Variants in KIZ observed in about 807,000 individuals in gnomAD.
KIZ encodes the protein centrosomal protein kizuna.
Under a neutral mutation model 79.6 loss-of-function variants are expected in KIZ, and 68 were observed. The observed-to-expected ratio is 0.85, with a 90% CI of 0.70 to 1.05. The LOEUF (loss-of-function observed/expected upper bound fraction) is 1.05, where lower values mean the gene tolerates loss of function less well. Among genes scored for constraint, KIZ ranks in the 50% least tolerant of loss-of-function variants. The probability of loss-of-function intolerance (pLI) is 0.00; values close to 1 mark genes in which losing one functional copy is unlikely to be tolerated. For missense variants in KIZ, 797 were observed against 800.4 expected, an observed-to-expected ratio of 1.00 and a Z score of 0.05; for synonymous variants, 280 against 281.8, an observed-to-expected ratio of 0.99 and a Z score of 0.06.
At chr20:21,162,574 A>ATC in intron 5 of KIZ, 67 bp downstream of exon 5, 1 of 1,168,902 alleles carries the variant, frequency 8.6e-7, no homozygotes, top group Non-Finnish European at 1.2e-6. Context: ...TAAGGACAAA[A>ATC]TATACTAATT....
intron 9 of KIZ, among the ~76,000 whole-genome samples, chr20:21,224,888 C>G (rs1340911194): frequency 6.6e-6 from 1 of 152,214 alleles, no homozygotes; most frequent in East Asian, 1.9e-4. Context: ...TTTTCTTTCT[C>G]CTCTCCTTAA....
At chr20:21,158,802 A>AT (rs1445355155) in intron 4 of KIZ, 7 of 150,054 alleles carry the variant, frequency 4.7e-5, no homozygotes, top group Non-Finnish European at 7.4e-5. Context: ...ACTTTTCCTA[A>AT]TTTTTTTTTG....
chr20:21,205,590 T>C lies in KIZ; in HGVS notation c.1446+6T>C. 1 of 1,335,756 alleles carries C rather than the reference T, an allele frequency of 7.5e-7. No homozygotes were observed. The highest frequency in any genetic ancestry group is 1.1e-6 in the Non-Finnish European group (1 of 946,706). 82.7% of individuals were successfully genotyped at this position (1,335,756 alleles called of 1,614,324 possible). ...ATAATTCTGTCAAAGAAGAGGTAGG[T>C]AGCTAAACTGTCTGAAGTTTTCCCA... On this transcript the variant is annotated splice_donor_region_variant and intron_variant, in intron 7 of 12. Coordinates refer to ENST00000619189, the MANE Select transcript of KIZ (RefSeq NM_018474.6).
intron 7 of KIZ, among the ~76,000 whole-genome samples, chr20:21,209,578 T>TGC: frequency 6.6e-6 from 1 of 151,002 alleles, no homozygotes; most frequent in Non-Finnish European, 1.5e-5. Flanking sequence ...TCTTCTCATT[T>TGC]AAAAAAAAAA....
At chr20:21,225,091 C>T (rs2123395595) in intron 9 of KIZ, among the ~76,000 whole-genome samples, 1 of 152,328 alleles carries the variant, frequency 6.6e-6, no homozygotes, top group African/African-American at 2.4e-5. Flanking sequence ...ACATTTATCT[C>T]ATGTCATCAG....
At chr20:21,224,726 G>C (rs2036606727) in intron 9 of KIZ, among the ~76,000 whole-genome samples, 1 of 152,160 alleles carries the variant, frequency 6.6e-6, no homozygotes, top group South Asian at 2.1e-4. Context: ...ACACCCCTTA[G>C]AGACTGGTGA....
chr20:21,200,549 G>A (rs112619038), intron 6 of KIZ, among the ~76,000 whole-genome samples: 37 of 151,696 alleles, frequency 2.4e-4, no homozygotes, highest in African/African-American at 8.0e-4. Flanking sequence ...ATCATCAGGC[G>A]TTAGATTCTC....
rs2036883561 is a variant in KIZ at position 21,232,924 on chromosome 20, A to G, written c.1880+94A>G. ...CTCTGGCTGCGTATTATTTTGTTGT[A>G]TGACTTGGAGGGTTATGGTTTGGGT... On this transcript the variant is annotated intron_variant, in intron 11 of 12. Transcript: ENST00000619189. 5.7e-6 allele frequency: 4 copies of G among 704,120 alleles called. No homozygotes were observed. In the South Asian group the frequency reaches 6.1e-5, roughly 11 times the overall value. 43.6% of individuals were successfully genotyped at this position (704,120 alleles called of 1,614,324 possible).
At chr20:21,140,475 T>G (rs2032454032) in intron 3 of KIZ, among the ~76,000 whole-genome samples, 1 of 152,202 alleles carries the variant, frequency 6.6e-6, no homozygotes, top group African/African-American at 2.4e-5. Context: ...CCCAGTTCAC[T>G]ATATAATGCT....
In KIZ at chr20:21,232,794, C is replaced by G. The variant is rs749315309; in HGVS notation, c.1844C>G (p.Ala615Gly). ...ACAGCTAACAAAATTGCTTCGGAAG[C>G]TAGTTTTTCATCTAGTGAAGGAAGT... The part of the protein sequence containing the change: ...TKTANKIASE[A>G]SFSSSEGSPL... The change falls in exon 11 of 13, where the codon GCT (alanine) becomes GGT (glycine). Residue 615 changes from alanine (A) to glycine (G), a missense_variant. Transcript: ENST00000619189. 6.3e-7 allele frequency: 1 copy of G among 1,586,544 alleles called. No homozygotes were observed. The highest frequency in any genetic ancestry group is 1.1e-5 in the South Asian group (1 of 87,654).
intron 7 of KIZ, among the ~76,000 whole-genome samples, chr20:21,211,934 C>T (rs973219526): frequency 6.6e-6 from 1 of 152,098 alleles, no homozygotes; most frequent in Non-Finnish European, 1.5e-5. Flanking sequence ...ACTAAAAATA[C>T]AAAAATTAGC....
intron 4 of KIZ, among the ~76,000 whole-genome samples, chr20:21,148,450 A>G (rs1285082012): frequency 3.9e-5 from 6 of 152,286 alleles, no homozygotes; most frequent in African/African-American, 1.4e-4. Context: ...TAGTCTGTTC[A>G]TCTGCCATGC....
intron 6 of KIZ, among the ~76,000 whole-genome samples, chr20:21,171,175 A>G (rs2034190376): frequency 6.6e-6 from 1 of 152,230 alleles, no homozygotes; most frequent in Middle Eastern, 3.2e-3. Context: ...CAGTTCTCTA[A>G]TGACATATGA....
At chr20:21,199,889 G>A (rs2035518385) in intron 6 of KIZ, among the ~76,000 whole-genome samples, 1 of 152,124 alleles carries the variant, frequency 6.6e-6, no homozygotes, top group African/African-American at 2.4e-5. Flanking sequence ...AGTGATCTTG[G>A]CTCACTGCAA....
intron 6 of KIZ, among the ~76,000 whole-genome samples, chr20:21,204,513 T>A (rs545465098): frequency 3.3e-5 from 5 of 152,156 alleles, no homozygotes; most frequent in Admixed American, 6.5e-5. Context: ...TTTCATGTAT[T>A]CCCTGTGTTT....
intron 11 of KIZ, among the ~76,000 whole-genome samples, chr20:21,236,409 G>C (rs1420110295): frequency 2.0e-5 from 3 of 152,184 alleles, no homozygotes; most frequent in African/African-American, 7.2e-5. Context: ...TTTAGAAATT[G>C]TAATACTGAT....
intron 6 of KIZ, among the ~76,000 whole-genome samples, chr20:21,174,218 T>G (rs2122838005): frequency 6.6e-6 from 1 of 152,346 alleles, no homozygotes; most frequent in South Asian, 2.1e-4. Flanking sequence ...AAAATGGTTG[T>G]TAGTACTGAC....
intron 7 of KIZ, among the ~76,000 whole-genome samples, chr20:21,209,891 G>A (rs1489325464): frequency 1.1e-5 from 1 of 87,960 alleles, no homozygotes; most frequent in East Asian, 3.8e-4. Context: ...ACCACTGATA[G>A]CAGAAATTGG....
At chr20:21,181,716 C>T (rs879466925) in intron 6 of KIZ, among the ~76,000 whole-genome samples, 4 of 152,172 alleles carry the variant, frequency 2.6e-5, no homozygotes, top group South Asian at 2.1e-4. Flanking sequence ...TCCTCGGCCT[C>T]CCAAAGTGCT....
Sources: allele counts gnomAD v4.1 joint callset (sites outside exome capture counted in the v4.1 genomes callset), GRCh38; gene constraint gnomAD v4.1.1; transcripts MANE v1.5; gene names NCBI Gene and HGNC (gene_info 2026-07-23, HGNC 2026-07-21).